Variants in PLBD1 observed in about 807,000 individuals in gnomAD.
The protein encoded by PLBD1 is phospholipase B domain containing 1.
Under a neutral mutation model 63.0 loss-of-function variants are expected in PLBD1, and 60 were observed. That is an observed-to-expected ratio of 0.95 (90% CI 0.77 to 1.18). The LOEUF (loss-of-function observed/expected upper bound fraction) is 1.18, where lower values mean the gene tolerates loss of function less well. Among genes scored for constraint, PLBD1 ranks in the 50% most tolerant of loss-of-function variants. PLBD1 has a pLI of 0.00. For missense variants in PLBD1, 598 were observed against 677.9 expected (o/e 0.88, Z 1.31); for synonymous variants, 262 against 248.0 (o/e 1.06, Z -0.53).
rs78994758 is a variant in PLBD1 at position 14,524,601 on chromosome 12, T to C, written c.844+11058A>G. Among the ~76,000 whole-genome samples, 747 of 152,344 alleles carry C rather than the reference T, an allele frequency of 4.9e-3. 8 individuals are homozygous for C. Among genetic ancestry groups the C allele is most frequent in the African/African-American group, 0.017 (723 of 41,584 alleles). On this transcript the variant is annotated intron_variant, in intron 6 of 10. Coordinates refer to ENST00000240617, the MANE Select transcript of PLBD1 (RefSeq NM_024829.6). ...TAACTATAAAAGAGGATTTTGAACGTTCTTGCCATAAGGAACTGATAAATG... is the reference window on the plus strand; with the variant it reads ...TAACTATAAAAGAGGATTTTGAACGCTCTTGCCATAAGGAACTGATAAATG...
intron 1 of PLBD1, among the ~76,000 whole-genome samples, chr12:14,555,994 G>C (rs1189423840): frequency 6.6e-6 from 1 of 152,160 alleles, no homozygotes; most frequent in African/African-American, 2.4e-5. Context: ...ATTTGTGAAA[G>C]GAAGGAAGAC....
chr12:14,521,687 A>G (rs767306365), intron 6 of PLBD1, among the ~76,000 whole-genome samples: 23 of 152,292 alleles, frequency 1.5e-4, no homozygotes, highest in East Asian at 1.2e-3. Flanking sequence ...TACAACTGGA[A>G]GAGGCATCCA....
Position 14,505,005 on chromosome 12 carries a change from C to G in PLBD1, c.1480-1051G>C, listed in dbSNP as rs572417212. 3.6e-4 allele frequency among the ~76,000 whole-genome samples: 55 copies of G among 151,652 alleles called. 1 individual carries two copies. In the South Asian group the frequency reaches 0.011, roughly 32 times the overall value. The stretch of plus-strand genomic sequence containing the variant: ...TTCTTTGTGTATTCTGTGATAGATA[C>G]AAACTTCACACATTGACTGAATGTT... On this transcript the variant is annotated intron_variant, in intron 10 of 10. Transcript: ENST00000240617.
chr12:14,503,986 A>C, intron 10 of PLBD1, 32 bp from the exon 11 acceptor site: 2 of 1,566,468 alleles, frequency 1.3e-6, no homozygotes, highest in South Asian at 1.2e-5. Flanking sequence ...ACATTTTAGA[A>C]AATCATCGTT....
At chr12:14,566,195 T>C (rs1945779632) in intron 1 of PLBD1, among the ~76,000 whole-genome samples, 1 of 152,176 alleles carries the variant, frequency 6.6e-6, no homozygotes, top group Non-Finnish European at 1.5e-5. Flanking sequence ...GCTGTCTCCC[T>C]AGACTAGAAG....
At chr12:14,559,121 C>T (rs539405833) in intron 1 of PLBD1, among the ~76,000 whole-genome samples, 6 of 152,150 alleles carry the variant, frequency 3.9e-5, no homozygotes, top group Non-Finnish European at 7.3e-5. Context: ...AAAACATCTT[C>T]ATGATGGGAG....
chr12:14,538,800 T>G (rs1945541078), intron 4 of PLBD1, among the ~76,000 whole-genome samples: 1 of 152,092 alleles, frequency 6.6e-6, no homozygotes, highest in South Asian at 2.1e-4. Context: ...CCGAGTCCAG[T>G]GAATCACCTG....
chr12:14,541,626 T>C (rs1184743736), intron 3 of PLBD1, among the ~76,000 whole-genome samples: 1 of 152,212 alleles, frequency 6.6e-6, no homozygotes, highest in Non-Finnish European at 1.5e-5. Flanking sequence ...TATAGGACTT[T>C]AAGCATTTCA....
intron 4 of PLBD1, among the ~76,000 whole-genome samples, chr12:14,540,034 A>T (rs1697089003): frequency 1.1e-5 from 1 of 93,694 alleles, no homozygotes; most frequent in Non-Finnish European, 2.5e-5. Flanking sequence ...ATATATATAT[A>T]TATATATATA....
chr12:14,519,999 T>C (rs370887452), intron 6 of PLBD1, among the ~76,000 whole-genome samples: 1 of 152,196 alleles, frequency 6.6e-6, no homozygotes, highest in Non-Finnish European at 1.5e-5. Flanking sequence ...AATCTGAATA[T>C]GAACTGTGTC....
chr12:14,553,232 A>C lies in PLBD1; in HGVS notation c.296T>G (p.Met99Arg), dbSNP rs771834034. 9.9e-6 allele frequency: 16 copies of C among 1,613,850 alleles called. No individual in the cohort carries two copies. The highest frequency in any genetic ancestry group is 1.3e-5 in the African/African-American group (1 of 74,918). The change falls in exon 2 of 11, where the codon ATG becomes AGG. Residue 99 changes from methionine to arginine, a missense_variant. Met to Arg is a moderately conservative substitution (Grantham distance 91). Transcript: ENST00000240617. Reference sequence around the variant, plus strand: ...ACCCTCCAAAAAGCCAGCCACAAACATGATGATCTCATTGCTCAGGGTTTG... The same window carrying C: ...ACCCTCCAAAAAGCCAGCCACAAACCTGATGATCTCATTGCTCAGGGTTTG... ...GSQTLSNEII[M>R]FVAGFLEGYL... is the part of the protein sequence containing the mutation.
In PLBD1 at chr12:14,511,354, C is replaced by A. The variant is rs1019906569; in HGVS notation, c.1092G>T (p.Lys364Asn). ...TGCCTTTGTCAAGACTGTGGTTCAGCTTTACTTTCTTCAGGTCCAGAACCA... is the reference window on the plus strand; with the variant it reads ...TGCCTTTGTCAAGACTGTGGTTCAGATTTACTTTCTTCAGGTCCAGAACCA... ...QYMVLDLKKVKLNHSLDKGTL... is the reference protein window; with the variant it reads ...QYMVLDLKKVNLNHSLDKGTL... Residue 364 changes from lysine (K) to asparagine (N), a missense_variant, in exon 8 of 11, where the codon AAG becomes AAT. Transcript: ENST00000240617. The A allele has an allele frequency of 5.6e-6, 9 of 1,613,666 alleles. No homozygotes were observed. The highest frequency in any genetic ancestry group is 4.0e-5 in the African/African-American group (3 of 75,042).
chr12:14,503,786 G>C lies in PLBD1; in HGVS notation c.1648C>G (p.Leu550Val). 6.2e-7 allele frequency: 1 copy of C among 1,612,768 alleles called. No homozygotes were observed. The highest frequency in any genetic ancestry group is 8.5e-7 in the Non-Finnish European group (1 of 1,178,952). The change falls in exon 11 of 11, where the codon CTT becomes GTT. Residue 550 changes from leucine (L) to valine (V), a missense_variant. Coordinates refer to ENST00000240617, the MANE Select transcript of PLBD1 (RefSeq NM_024829.6). ...ATCTCCCTCCTTCATTTTATATCAAGTTTCAAAATTGGTTTCATGGTAATA... is the reference window on the plus strand; with the variant it reads ...ATCTCCCTCCTTCATTTTATATCAACTTTCAAAATTGGTTTCATGGTAATA... ...DFITMKPILK[L>V]DIK
intron 6 of PLBD1, among the ~76,000 whole-genome samples, chr12:14,516,228 C>T (rs570913279): frequency 6.6e-6 from 1 of 152,262 alleles, no homozygotes; most frequent in Admixed American, 6.5e-5. Flanking sequence ...ACTCAGGAGG[C>T]TGAGGTAGGG....
rs376671162 is a variant in PLBD1 at position 14,506,248 on chromosome 12, T to G, written c.1393A>C (p.Ser465Arg). The change falls in exon 10 of 11, where the codon AGT becomes CGT. Residue 465 changes from serine (S) to arginine (R), a missense_variant. Coordinates refer to ENST00000240617, the MANE Select transcript of PLBD1 (RefSeq NM_024829.6). ...RYNNYKKDPYSRGDPCNTICC... is the reference protein window; with the variant it reads ...RYNNYKKDPYRRGDPCNTICC... ...ATGGTATTACAGGGGTCACCTCTAC[T>G]GTAAGGATCCTTCTTATAATCTAGG... 3 of 1,610,956 alleles carry G rather than the reference T, an allele frequency of 1.9e-6. No homozygotes were observed. The highest frequency in any genetic ancestry group is 2.5e-6 in the Non-Finnish European group (3 of 1,177,852).
chr12:14,538,603 C>T (rs1945539337), intron 4 of PLBD1, among the ~76,000 whole-genome samples: 1 of 152,164 alleles, frequency 6.6e-6, no homozygotes, highest in African/African-American at 2.4e-5. Context: ...ATATTGTAAA[C>T]AATGCCACAA....
chr12:14,534,543 CTTTT>C (rs1286445435), intron 6 of PLBD1, among the ~76,000 whole-genome samples: 173 of 137,786 alleles, frequency 1.3e-3, no homozygotes, highest in Non-Finnish European at 2.2e-3. Context: ...CTTTTCTTTT[CTTTT>C]TTTTTTTTTT....
At chr12:14,508,079 T>C (rs16909912) in intron 8 of PLBD1, among the ~76,000 whole-genome samples, 7,072 of 152,320 alleles carry the variant, frequency 0.046, 216 homozygotes, top group African/African-American at 0.082. Flanking sequence ...TCAGCCTTGC[T>C]AATTCTGAGA....
chr12:14,528,097 A>G (rs952959447), intron 6 of PLBD1, among the ~76,000 whole-genome samples: 5 of 152,172 alleles, frequency 3.3e-5, no homozygotes, highest in Admixed American at 2.6e-4. Flanking sequence ...ATTAGAGAAA[A>G]AAGATAAGAA....
Sources: gnomAD v4.1 joint callset for allele counts (sites outside exome capture counted in the v4.1 genomes callset) on GRCh38, gnomAD v4.1.1 for gene constraint, MANE v1.5 for transcripts, NCBI Gene and HGNC (gene_info 2026-07-23, HGNC 2026-07-21) for gene names.